Variants in KLHL32 observed in about 807,000 individuals in gnomAD.
KLHL32 encodes the protein kelch like family member 32, also known as kelch-like protein 32.
KLHL32 carries 35 observed loss-of-function variants against 64.8 expected under a neutral mutation model. The observed-to-expected ratio is 0.54, with a 90% CI of 0.41 to 0.72. The LOEUF (loss-of-function observed/expected upper bound fraction) is 0.72. Among genes scored for constraint, KLHL32 ranks in the 30% least tolerant of loss-of-function variants. The pLI is 0.00. For synonymous variants in KLHL32, 259 were observed against 281.0 expected, an observed-to-expected ratio of 0.92 and a Z score of 0.78; for missense variants, 589 against 768.5, an observed-to-expected ratio of 0.77 and a Z score of 2.76.
chr6:97,037,498 C>T (rs1737636), intron 3 of KLHL32, among the ~76,000 whole-genome samples: 27,360 of 151,730 alleles, frequency 0.18, 2,944 homozygotes, highest in African/African-American at 0.32. Context: ...AATATCTATA[C>T]AAGGAAAACT....
intron 6 of KLHL32, among the ~76,000 whole-genome samples, chr6:97,106,448 C>T (rs1404039817): frequency 6.6e-6 from 1 of 151,928 alleles, no homozygotes; most frequent in Non-Finnish European, 1.5e-5. Flanking sequence ...AACTAAAATA[C>T]ATTTAAAAAA....
intron 3 of KLHL32, chr6:96,994,722 C>T (rs1229093729): frequency 1.2e-5 from 9 of 767,938 alleles, no homozygotes; most frequent in African/African-American, 1.9e-5. Context: ...AGTGAAAAAA[C>T]ACATTTTTCA....
chr6:97,136,605 G>T (rs186124801), intron 10 of KLHL32, among the ~76,000 whole-genome samples: 1 of 152,184 alleles, frequency 6.6e-6, no homozygotes, highest in South Asian at 2.1e-4. Flanking sequence ...GAGCAGCTGC[G>T]TAAGTGTGCA....
intron 5 of KLHL32, among the ~76,000 whole-genome samples, 177 bp from the exon 6 acceptor site, chr6:97,084,949 T>C (rs1031197030): frequency 1.8e-4 from 27 of 152,280 alleles, no homozygotes; most frequent in African/African-American, 6.3e-4. Flanking sequence ...AATTCTAGAA[T>C]AGCTGTTCTC....
intron 1 of KLHL32, among the ~76,000 whole-genome samples, chr6:96,936,146 A>G (rs1770572384): frequency 6.6e-6 from 1 of 152,244 alleles, no homozygotes; most frequent in Admixed American, 6.5e-5. Context: ...TAATGTCACT[A>G]GAAATATAAT....
At chr6:97,074,674 A>G (rs901996166) in intron 5 of KLHL32, among the ~76,000 whole-genome samples, 2 of 151,584 alleles carry the variant, frequency 1.3e-5, no homozygotes, top group Non-Finnish European at 1.5e-5. Flanking sequence ...TAAAGTCTGC[A>G]GTACTGGGCT....
chr6:97,082,770 A>G (rs1343250274), intron 5 of KLHL32, among the ~76,000 whole-genome samples: 1 of 152,166 alleles, frequency 6.6e-6, no homozygotes, highest in African/African-American at 2.4e-5. Context: ...TGGGTCAGTC[A>G]TATAGATGTG....
intron 3 of KLHL32, among the ~76,000 whole-genome samples, chr6:97,008,755 C>G (rs902162875): frequency 2.6e-5 from 4 of 152,138 alleles, no homozygotes; most frequent in Admixed American, 2.0e-4. Context: ...GTGCAGGGTT[C>G]CTAGCATCCT....
intron 1 of KLHL32, among the ~76,000 whole-genome samples, chr6:96,948,888 GA>G (rs1772235717): frequency 6.6e-6 from 1 of 152,056 alleles, no homozygotes; most frequent in African/African-American, 2.4e-5. Flanking sequence ...TGACTCATGC[GA>G]AAAAGTCATG....
chr6:97,099,059 C>T (rs575894153), intron 6 of KLHL32, among the ~76,000 whole-genome samples: 3 of 152,350 alleles, frequency 2.0e-5, no homozygotes, highest in East Asian at 3.9e-4. Context: ...TTAAAGAAAG[C>T]ATAACTCATT....
intron 3 of KLHL32, among the ~76,000 whole-genome samples, chr6:97,032,330 T>A (rs1316791965): frequency 6.6e-6 from 1 of 152,212 alleles, no homozygotes; most frequent in Non-Finnish European, 1.5e-5. Context: ...ATTGTATTGA[T>A]ATAAAATGAT....
intron 3 of KLHL32, among the ~76,000 whole-genome samples, chr6:97,034,505 G>A (rs954280985): frequency 1.3e-5 from 2 of 151,904 alleles, no homozygotes; most frequent in African/African-American, 4.8e-5. Flanking sequence ...GTCTTTTGTG[G>A]TTTCATTTGA....
intron 3 of KLHL32, among the ~76,000 whole-genome samples, chr6:97,040,346 T>C (rs577147837): frequency 6.6e-6 from 1 of 152,292 alleles, no homozygotes; most frequent in African/African-American, 2.4e-5. Context: ...TTGTTTTAAT[T>C]TGTCAAGTTT....
chr6:97,010,765 T>TA (rs1162375580), intron 3 of KLHL32, among the ~76,000 whole-genome samples: 2 of 152,184 alleles, frequency 1.3e-5, no homozygotes, highest in East Asian at 3.8e-4. Flanking sequence ...CTTTTGAATA[T>TA]AAAAAAGTAC....
At chr6:97,040,101 C>A (rs894091018) in intron 3 of KLHL32, among the ~76,000 whole-genome samples, 2 of 151,644 alleles carry the variant, frequency 1.3e-5, no homozygotes, top group Non-Finnish European at 2.9e-5. Context: ...TCACATTTTT[C>A]AAATTAAAAA....
At chr6:97,090,231 T>C (rs1794039090) in intron 6 of KLHL32, among the ~76,000 whole-genome samples, 1 of 152,200 alleles carries the variant, frequency 6.6e-6, no homozygotes, top group African/African-American at 2.4e-5. Flanking sequence ...ATTCCTACAT[T>C]AGGCTGGATT....
intron 3 of KLHL32, among the ~76,000 whole-genome samples, chr6:97,009,313 A>G (rs1780070657): frequency 6.6e-6 from 1 of 152,176 alleles, no homozygotes; most frequent in South Asian, 2.1e-4. Flanking sequence ...AATTTCATCT[A>G]TATTTTAAAT....
intron 1 of KLHL32, among the ~76,000 whole-genome samples, chr6:96,954,193 G>A (rs1772976221): frequency 1.3e-5 from 2 of 151,838 alleles, no homozygotes; most frequent in African/African-American, 4.8e-5. Context: ...GGAGATAATT[G>A]CTTGTAATTT....
chr6:97,061,319 G>A (rs766733348), intron 4 of KLHL32, among the ~76,000 whole-genome samples: 32 of 152,082 alleles, frequency 2.1e-4, no homozygotes, highest in Admixed American at 2.0e-4. Flanking sequence ...CTTCTTTTAG[G>A]GTTTCCTTTC....
Sources: gnomAD v4.1 joint callset for allele counts (sites outside exome capture counted in the v4.1 genomes callset) on GRCh38, gnomAD v4.1.1 for gene constraint, MANE v1.5 for transcripts, NCBI Gene and HGNC (gene_info 2026-07-23, HGNC 2026-07-21) for gene names.